The following TREML4 variants were observed in gnomAD, a reference collection of about 807,000 sequenced individuals.
TREML4 encodes trem-like transcript 4 protein.
In TREML4, 25 loss-of-function variants were observed where a neutral mutation model predicts 25.4. The observed-to-expected ratio is 0.98, with a 90% CI of 0.72 to 1.37. TREML4 has a LOEUF of 1.37. Among genes scored for constraint, TREML4 ranks in the 40% most tolerant of loss-of-function variants. TREML4 has a pLI of 0.00. For synonymous variants in TREML4, 92 were observed against 87.9 expected, an observed-to-expected ratio of 1.05 and a Z score of -0.26; for missense variants, 268 against 236.5, an observed-to-expected ratio of 1.13 and a Z score of -0.87.
At chr6:41,229,694 CT>C (rs34853222) in intron 3 of TREML4, 123 bp downstream of exon 3, 2 of 1,042,358 alleles carry the variant, frequency 1.9e-6, no homozygotes, top group Non-Finnish European at 3.0e-6. Flanking sequence ...GGGGCCTGGG[CT>C]TGTGGGAAGC....
At position 41,236,424 on chromosome 6, in the gene TREML4, C is replaced by T. The variant is rs185700453; in HGVS notation, c.507-62C>T. Reference sequence around the variant, plus strand: ...ACAAGGGGCCTGCCTGGCTTAGGGACACCGCAGGAGGTGGTGACATCCTGG... The same window carrying T: ...ACAAGGGGCCTGCCTGGCTTAGGGATACCGCAGGAGGTGGTGACATCCTGG... On this transcript the variant is annotated intron_variant, in intron 4 of 5. Coordinates refer to ENST00000341495, the MANE Select transcript of TREML4 (RefSeq NM_198153.3). The T allele has an allele frequency of 1.9e-3, 2,714 of 1,450,864 alleles. 33 individuals are homozygous for T. The highest frequency in any genetic ancestry group is 4.9e-4 in the Non-Finnish European group (507 of 1,034,452). The allele number at this position is 1,450,864 out of a possible 1,614,324, so 89.9% of individuals were successfully genotyped here.
chr6:41,233,530 G>T (rs554457182), intron 4 of TREML4, among the ~76,000 whole-genome samples: 2 of 152,162 alleles, frequency 1.3e-5, no homozygotes, highest in South Asian at 4.1e-4. Flanking sequence ...ATATACTGAT[G>T]AAAGATGCAC....
intron 4 of TREML4, among the ~76,000 whole-genome samples, chr6:41,234,956 T>TG (rs1766869040): frequency 1.3e-5 from 2 of 151,976 alleles, no homozygotes; most frequent in Middle Eastern, 3.2e-3. Flanking sequence ...CTGATGCACA[T>TG]GGGGTCCATT....
At chr6:41,236,406 G>A in intron 4 of TREML4, 80 bp from the exon 5 acceptor site, 1 of 1,229,582 alleles carries the variant, frequency 8.1e-7, no homozygotes. Flanking sequence ...GCTACAAGGG[G>A]CCTGCCTGGC....
rs751953877 is a variant in TREML4, at chr6:41,229,679, C to T, written c.445+108C>T. 5 of 1,202,682 alleles carry T rather than the reference C, an allele frequency of 4.2e-6. No individual in the cohort carries two copies. In the African/African-American group the frequency reaches 6.0e-5, roughly 14 times the overall value. 74.5% of individuals were successfully genotyped at this position (1,202,682 alleles called of 1,614,324 possible). On this transcript the variant is annotated intron_variant, in intron 3 of 5. Transcript: ENST00000341495. ...GGGAGGCCTGCCTCTGAGGACTGAT[C>T]TCTTGGGGCCTGGGCTTGTGGGAAG...
intron 4 of TREML4, among the ~76,000 whole-genome samples, chr6:41,232,027 C>G (rs555510935): frequency 6.6e-6 from 1 of 152,304 alleles, no homozygotes; most frequent in South Asian, 2.1e-4. Flanking sequence ...TGTCTGCACG[C>G]TTTCAGATCA....
At chr6:41,232,954 G>A (rs926827910) in intron 4 of TREML4, among the ~76,000 whole-genome samples, 1 of 152,216 alleles carries the variant, frequency 6.6e-6, no homozygotes, top group Non-Finnish European at 1.5e-5. Flanking sequence ...CTGTGACTCA[G>A]GGGTTGGGGA....
intron 1 of TREML4, 70 bp from the exon 2 acceptor site, chr6:41,228,644 C>T (rs1314048289): frequency 1.4e-5 from 22 of 1,526,198 alleles, no homozygotes; most frequent in Non-Finnish European, 2.0e-5. Flanking sequence ...CTTCCCCAGC[C>T]TGTGATGGGG....
At position 41,229,407 on chromosome 6, in the gene TREML4, C is replaced by T. The variant is rs536934305; in HGVS notation, c.395-114C>T. The T allele has an allele frequency of 1.1e-5, 13 of 1,144,150 alleles. No individual in the cohort carries two copies. The South Asian group carries it at 1.5e-4, about 13-fold the overall frequency. The allele number at this position is 1,144,150 out of a possible 1,614,324, so 70.9% of individuals were successfully genotyped here. On this transcript the variant is annotated intron_variant, in intron 2 of 5. Transcript: ENST00000341495. The stretch of plus-strand genomic sequence containing the variant: ...GATCTTAGGCACAGACCACTCCTGG[C>T]TTAAGACATCCTGAGGGTCTGGCTC...
chr6:41,232,139 T>C (rs1389076378), intron 4 of TREML4, among the ~76,000 whole-genome samples: 2 of 152,212 alleles, frequency 1.3e-5, no homozygotes, highest in Non-Finnish European at 2.9e-5. Context: ...TTGTATCCAG[T>C]GTTTTGTATT....
Position 41,238,486 on chromosome 6 carries a change from G to A in TREML4, c.*1467G>A, listed in dbSNP as rs544859863. 2.0e-5 allele frequency: 3 copies of A among 152,188 alleles called. No individual in the cohort carries two copies. Among genetic ancestry groups the A allele is most frequent in the African/African-American group, 7.2e-5 (3 of 41,522 alleles). The allele number at this position is 152,188 out of a possible 1,614,324, so 9.4% of individuals were successfully genotyped here. Reference sequence around the variant, plus strand: ...TACATATCCCACAGTGCATCATTCCGAACCCAGGGTGCATGTGCTTTTTTG... The same window carrying A: ...TACATATCCCACAGTGCATCATTCCAAACCCAGGGTGCATGTGCTTTTTTG... On this transcript the variant is annotated 3_prime_UTR_variant, in exon 6 of 6. Transcript: ENST00000341495.
chr6:41,228,381 C>A lies in TREML4; in HGVS notation c.-47C>A, dbSNP rs1440194771. The A allele has an allele frequency of 4.1e-6, 6 of 1,469,436 alleles. 1 individual carries two copies. Among genetic ancestry groups the A allele is most frequent in the Non-Finnish European group, 5.6e-6 (6 of 1,074,768 alleles). 91.0% of individuals were successfully genotyped at this position (1,469,436 alleles called of 1,614,324 possible). A position where few individuals can be genotyped will look rare whatever the true frequency, so the allele number is the denominator to read the frequency against. ...GCGTCTGACTCCTCCTGAGAGGGCT[C>A]CCTTTTTTCTCCTCTCCTCCGCTGT... On this transcript the variant is annotated 5_prime_UTR_variant, in exon 1 of 6. Coordinates refer to ENST00000341495, the MANE Select transcript of TREML4 (RefSeq NM_198153.3).
chr6:41,229,079 A>AC (rs749832695), intron 2 of TREML4, 35 bp downstream of exon 2: 83 of 1,560,430 alleles, frequency 5.3e-5, no homozygotes, highest in Non-Finnish European at 6.5e-5. Context: ...CCTCTGTGCC[A>AC]CCCCCCAGGG....
chr6:41,229,650 A>G lies in TREML4; in HGVS notation c.445+79A>G, dbSNP rs747703441. The G allele has an allele frequency of 5.4e-6, 8 of 1,493,890 alleles. No homozygotes were observed. The Admixed American group carries it at 1.2e-4, about 22-fold the overall frequency. The allele number at this position is 1,493,890 out of a possible 1,614,324, so 92.5% of individuals were successfully genotyped here. Reference sequence around the variant, plus strand: ...GAGCCTCAGATTCAGGGAAGGGGAAACCAGGGAGGCCTGCCTCTGAGGACT... The same window carrying G: ...GAGCCTCAGATTCAGGGAAGGGGAAGCCAGGGAGGCCTGCCTCTGAGGACT... On this transcript the variant is annotated intron_variant, in intron 3 of 5. Coordinates refer to ENST00000341495, the MANE Select transcript of TREML4 (RefSeq NM_198153.3).
At chr6:41,235,677 C>T (rs182272824) in intron 4 of TREML4, among the ~76,000 whole-genome samples, 18 of 152,166 alleles carry the variant, frequency 1.2e-4, no homozygotes, top group Admixed American at 2.0e-4. Flanking sequence ...AGAAACAATC[C>T]ATGACTTTGG....
Position 41,229,563 on chromosome 6 carries a change from C to A in TREML4, c.437C>A (p.Thr146Lys), listed in dbSNP as rs9471515. 9,714 of 1,613,870 alleles carry A rather than the reference C, an allele frequency of 6.0e-3. 457 individuals are homozygous for A. In the African/African-American group the frequency reaches 0.11, roughly 18 times the overall value. ...ATGTGGACTCTTCCCTGGCTCCCAA[C>A]AAGCACAGGTAGGTTGGAGGCCTCG... is the stretch of plus-strand genomic sequence containing the variant. ...SPMWTLPWLPTSTVLITSPEG... is the reference protein window; with the variant it reads ...SPMWTLPWLPKSTVLITSPEG... The change falls in exon 3 of 6, where the codon ACA becomes AAA. Residue 146 changes from threonine to lysine, a missense_variant. Transcript: ENST00000341495.
At position 41,238,141 on chromosome 6, in the gene TREML4, T is replaced by C. The variant is rs1231319977; in HGVS notation, c.*1122T>C. On this transcript the variant is annotated 3_prime_UTR_variant, in exon 6 of 6. Transcript: ENST00000341495. ...TTGGGGATGGGACATCAAACAAAAGTCTCTTCGTGTATATCTCAGCTCCTG... is the reference window on the plus strand; with the variant it reads ...TTGGGGATGGGACATCAAACAAAAGCCTCTTCGTGTATATCTCAGCTCCTG... 1 of 152,182 alleles carries C rather than the reference T, an allele frequency of 6.6e-6. No homozygotes were observed. Among genetic ancestry groups the C allele is most frequent in the Non-Finnish European group, 1.5e-5 (1 of 68,020 alleles). 9.4% of individuals were successfully genotyped at this position (152,182 alleles called of 1,614,324 possible). A position where few individuals can be genotyped will look rare whatever the true frequency, so the allele number is the denominator to read the frequency against.
intron 4 of TREML4, among the ~76,000 whole-genome samples, chr6:41,234,429 T>C (rs1215134479): frequency 1.3e-5 from 2 of 150,252 alleles, no homozygotes; most frequent in African/African-American, 4.8e-5. Flanking sequence ...AAGAATCATA[T>C]AATTGAATGA....
intron 2 of TREML4, among the ~76,000 whole-genome samples, chr6:41,229,258 G>T (rs1047816787): frequency 6.6e-6 from 1 of 152,086 alleles, no homozygotes; most frequent in African/African-American, 2.4e-5. Flanking sequence ...TACCCTCAGA[G>T]GTCCCTGGAC....
Sources: gnomAD v4.1 joint callset for allele counts (sites outside exome capture counted in the v4.1 genomes callset) on GRCh38, gnomAD v4.1.1 for gene constraint, MANE v1.5 for transcripts, NCBI Gene and HGNC (gene_info 2026-07-23, HGNC 2026-07-21) for gene names.